The following LATS1 variants were observed in gnomAD, a reference collection of about 807,000 sequenced individuals.
The protein encoded by LATS1 is serine/threonine-protein kinase LATS1.
In LATS1, 25 loss-of-function variants were observed where a neutral mutation model predicts 106.6. That is an observed-to-expected ratio of 0.23 (90% CI 0.17 to 0.33). The LOEUF (loss-of-function observed/expected upper bound fraction) is 0.33. LATS1 is among the 10% of genes least tolerant of loss of function. LATS1 has a pLI of 1.00. For missense variants in LATS1, 1,040 were observed against 1,382.6 expected (o/e 0.75, Z 3.93); for synonymous variants, 465 against 455.6 (o/e 1.02, Z -0.26).
Position 149,665,035 on chromosome 6 carries a change from C to T in LATS1, c.2884-2797G>A, listed in dbSNP as rs184731097. ...CCAGTATGCACCTAAAACTGACAGCCAAACCTTCCTCTCCAATTGTAAATA... is the reference window on the plus strand; with the variant it reads ...CCAGTATGCACCTAAAACTGACAGCTAAACCTTCCTCTCCAATTGTAAATA... On this transcript the variant is annotated intron_variant, in intron 7 of 7. Coordinates refer to ENST00000543571, the MANE Select transcript of LATS1 (RefSeq NM_004690.4). Among the ~76,000 whole-genome samples, 16 of 152,266 alleles carry T rather than the reference C, an allele frequency of 1.1e-4. No homozygotes were observed. The East Asian group carries it at 3.1e-3, about 29-fold the overall frequency.
chr6:149,702,016 G>A lies in LATS1; in HGVS notation c.111C>T (p.Ser37=), dbSNP rs1328514214. Residue 37 remains serine, a synonymous_variant, in exon 2 of 8, where the codon TCC becomes TCT. Coordinates refer to ENST00000543571, the MANE Select transcript of LATS1 (RefSeq NM_004690.4). ...CAGATGGTTTAGATAAATTCCTAAG[G>A]GATTCCCGAATTTCTTGTAACATTT... The part of the protein sequence containing the change: ...SRQMLQEIRE[S]LRNLSKPSDA... 3 of 1,614,064 alleles carry A rather than the reference G, an allele frequency of 1.9e-6. No homozygotes were observed. Among genetic ancestry groups the A allele is most frequent in the Non-Finnish European group, 2.5e-6 (3 of 1,179,984 alleles).
chr6:149,684,231 G>C lies in LATS1; in HGVS notation c.858C>G (p.Ser286=). Residue 286 remains serine, a synonymous_variant, in exon 4 of 8, where the codon TCC becomes TCG. Transcript: ENST00000543571. ...RYSGNMEYVI[S]RISPVPPGAW... ...CCCCAGGTGGGACAGGAGAGATTCG[G>C]GAGATTACGTATTCCATGTTTCCAG... 1 of 1,614,126 alleles carries C rather than the reference G, an allele frequency of 6.2e-7. No homozygotes were observed. The highest frequency in any genetic ancestry group is 8.5e-7 in the Non-Finnish European group (1 of 1,180,026).
At chr6:149,711,274 G>T (rs1373953297) in intron 1 of LATS1, among the ~76,000 whole-genome samples, 1 of 152,068 alleles carries the variant, frequency 6.6e-6, no homozygotes, top group Non-Finnish European at 1.5e-5. Flanking sequence ...GCCGGGCACG[G>T]TGCCTCACAC....
Position 149,662,145 on chromosome 6 carries a change from C to T in LATS1, c.2977G>A (p.Glu993Lys), listed in dbSNP as rs749247753. 14 of 1,614,032 alleles carry T rather than the reference C, an allele frequency of 8.7e-6. No homozygotes were observed. The East Asian group carries it at 8.9e-5, about 10-fold the overall frequency. ...DLIIKLCRGP[E>K]DRLGKNGADE... ...GCACCATTCTTGCCTAAGCGATCTT[C>T]GGGTCCTCGGCAAAGTTTAATAATA... Residue 993 changes from glutamate (E) to lysine (K), a missense_variant, in exon 8 of 8, where the codon GAA becomes AAA. This residue lies in a region of LATS1 where 113 missense variants were observed against 146.3 expected (regional missense o/e 0.77). Transcript: ENST00000543571.
intron 2 of LATS1, among the ~76,000 whole-genome samples, chr6:149,698,782 G>C (rs909852333): frequency 1.3e-5 from 2 of 151,678 alleles, no homozygotes; most frequent in East Asian, 3.9e-4. Flanking sequence ...GGCTGGTCTC[G>C]AACACCTGGC....
At chr6:149,667,079 A>G (rs1348335343) in intron 7 of LATS1, among the ~76,000 whole-genome samples, 2 of 152,134 alleles carry the variant, frequency 1.3e-5, no homozygotes, top group African/African-American at 4.8e-5. Context: ...AAAAAACTCA[A>G]TGGATAGTCT....
chr6:149,659,860 C>T lies in LATS1; in HGVS notation c.*1869G>A, dbSNP rs1780824914. ...AAATCCTTCAGAAATATTTCTGTAT[C>T]AAGCTTGTAATGAGCCTAACATTTC... On this transcript the variant is annotated 3_prime_UTR_variant, in exon 8 of 8. Transcript: ENST00000543571. The T allele has an allele frequency of 4.4e-6, 1 of 226,832 alleles. No individual in the cohort carries two copies. Among genetic ancestry groups the T allele is most frequent in the Admixed American group, 5.7e-5 (1 of 17,572 alleles). The allele number at this position is 226,832 out of a possible 1,614,324, so 14.1% of individuals were successfully genotyped here. A position where few individuals can be genotyped will look rare whatever the true frequency, so the allele number is the denominator to read the frequency against.
intron 3 of LATS1, among the ~76,000 whole-genome samples, chr6:149,690,274 C>T (rs1390703118): frequency 2.1e-5 from 3 of 144,282 alleles, no homozygotes; most frequent in South Asian, 2.1e-4. Context: ...AGTGCAATGG[C>T]GCGATCTCGG....
chr6:149,666,669 A>G (rs1781169532), intron 7 of LATS1, among the ~76,000 whole-genome samples: 1 of 145,174 alleles, frequency 6.9e-6, no homozygotes, highest in South Asian at 2.3e-4. Flanking sequence ...CAGGTTGGGC[A>G]TGGTGGCTCA....
intron 1 of LATS1, chr6:149,716,297 G>C (rs984763951): frequency 6.6e-6 from 1 of 152,164 alleles, no homozygotes; most frequent in Non-Finnish European, 1.5e-5. Context: ...GGAATCCAGC[G>C]CAGGCAACAT....
intron 2 of LATS1, among the ~76,000 whole-genome samples, chr6:149,701,165 C>T (rs754206034): frequency 5.3e-5 from 8 of 152,144 alleles, no homozygotes; most frequent in Admixed American, 4.6e-4. Context: ...AATATTCATG[C>T]TTACAAGGTA....
intron 1 of LATS1, among the ~76,000 whole-genome samples, chr6:149,714,063 C>G (rs1784254138): frequency 6.6e-6 from 1 of 151,792 alleles, no homozygotes; most frequent in South Asian, 2.1e-4. Context: ...CCTCTGCTTT[C>G]CAAGTTCAAG....
At chr6:149,707,735 A>T (rs1783870404) in intron 1 of LATS1, among the ~76,000 whole-genome samples, 1 of 152,226 alleles carries the variant, frequency 6.6e-6, no homozygotes, top group Non-Finnish European at 1.5e-5. Context: ...TAAAATAAAT[A>T]ATGTCTGGAA....
At chr6:149,695,590 T>C (rs936777666) in intron 2 of LATS1, among the ~76,000 whole-genome samples, 4 of 151,750 alleles carry the variant, frequency 2.6e-5, no homozygotes, top group Admixed American at 2.0e-4. Flanking sequence ...GACATGAGAA[T>C]TGTTTGAACC....
At chr6:149,671,397 G>A (rs140156616) in intron 7 of LATS1, among the ~76,000 whole-genome samples, 359 of 152,124 alleles carry the variant, frequency 2.4e-3, no homozygotes, top group Non-Finnish European at 3.7e-3. Context: ...GCCTCCCAAA[G>A]TGCTAGGATT....
intron 6 of LATS1, 43 bp from the exon 7 acceptor site, chr6:149,676,409 GAATAC>G (rs781397144): frequency 1.5e-5 from 22 of 1,426,724 alleles, no homozygotes; most frequent in East Asian, 4.6e-5. Context: ...AAAATGCTCA[GAATAC>G]AATAAAAATT....
chr6:149,711,909 C>T (rs2115018482), intron 1 of LATS1, among the ~76,000 whole-genome samples: 1 of 152,036 alleles, frequency 6.6e-6, no homozygotes, highest in South Asian at 2.1e-4. Flanking sequence ...CCCTTGTGTA[C>T]TGCGGTGAGT....
intron 3 of LATS1, among the ~76,000 whole-genome samples, chr6:149,694,644 C>G (rs1782958700): frequency 6.6e-6 from 1 of 151,786 alleles, no homozygotes; most frequent in South Asian, 2.1e-4. Flanking sequence ...TGGTTTCCCA[C>G]AGGAAAAAAG....
At chr6:149,716,033 G>C (rs1050069786) in intron 1 of LATS1, among the ~76,000 whole-genome samples, 3 of 151,466 alleles carry the variant, frequency 2.0e-5, no homozygotes, top group African/African-American at 7.3e-5. Flanking sequence ...AACTGCCTGG[G>C]TATGACAGAT....
Sources: gnomAD v4.1 joint callset for allele counts (sites outside exome capture counted in the v4.1 genomes callset) on GRCh38, gnomAD v4.1.1 for gene constraint, gnomAD v4.1.1 regional missense constraint, MANE v1.5 for transcripts, NCBI Gene and HGNC (gene_info 2026-07-23, HGNC 2026-07-21) for gene names.